The following CEP68 variants were observed in gnomAD, a reference collection of about 807,000 sequenced individuals.
The protein encoded by CEP68 is centrosomal protein of 68 kDa.
In CEP68, 26 loss-of-function variants were observed where a neutral mutation model predicts 55.3. That is an observed-to-expected ratio of 0.47 (90% CI 0.34 to 0.65). The LOEUF is 0.65. Ranked by LOEUF, CEP68 falls within the 30% of genes least tolerant of loss-of-function variation. CEP68 has a pLI of 0.01. For missense variants in CEP68, 957 were observed against 946.7 expected, an observed-to-expected ratio of 1.01 and a Z score of -0.14; for synonymous variants, 402 against 383.2, an observed-to-expected ratio of 1.05 and a Z score of -0.57.
At chr2:65,081,698 TG>T (rs756910004) in intron 5 of CEP68, among the ~76,000 whole-genome samples, 2 of 129,968 alleles carry the variant, frequency 1.5e-5, no homozygotes, top group Non-Finnish European at 3.3e-5. Context: ...GTCATTTTTT[TG>T]TTTTGTTTTG....
At chr2:65,060,388 C>T (rs1467647960) in intron 1 of CEP68, among the ~76,000 whole-genome samples, 8 of 152,046 alleles carry the variant, frequency 5.3e-5, no homozygotes, top group Admixed American at 1.3e-4. Context: ...CTCTTGAGAG[C>T]GGTAAGATTC....
In CEP68 at chr2:65,071,654, C is replaced by A; in HGVS notation, c.558C>A (p.Ser186Arg). Residue 186 changes from serine (S) to arginine (R), a missense_variant, in exon 3 of 7, where the codon AGC (serine) becomes AGA (arginine). Coordinates refer to ENST00000377990, the MANE Select transcript of CEP68 (RefSeq NM_015147.3). ...TGTCACAGTGGAAGTCCGTGCTGAG[C>A]CCAGGTTCCGCAGCTCAGCCTTCCA... Reference protein sequence around the residue: ...SCLSQWKSVLSPGSAAQPSSC... With the variant: ...SCLSQWKSVLRPGSAAQPSSC... 6.2e-7 allele frequency: 1 copy of A among 1,614,190 alleles called. No individual in the cohort carries two copies. Among genetic ancestry groups the A allele is most frequent in the Non-Finnish European group, 8.5e-7 (1 of 1,180,038 alleles).
chr2:65,077,121 G>A (rs560506043), intron 4 of CEP68, among the ~76,000 whole-genome samples: 10 of 147,972 alleles, frequency 6.8e-5, no homozygotes, highest in African/African-American at 2.0e-4. Flanking sequence ...TCACCCTCCC[G>A]AGTAGCTGGG....
In CEP68 at chr2:65,069,510, G is replaced by A. The variant is rs534489410; in HGVS notation, c.66G>A (p.Gly22=). 3 of 1,575,656 alleles carry A rather than the reference G, an allele frequency of 1.9e-6. No homozygotes were observed. Among genetic ancestry groups the A allele is most frequent in the Non-Finnish European group, 2.6e-6 (3 of 1,159,378 alleles). The change falls in exon 2 of 7, where the codon GGG becomes GGA. Residue 22 remains glycine, a synonymous_variant. Transcript: ENST00000377990. The part of the protein sequence containing the change: ...ASEDTKAQSY[G]RGSCRERELD... ...AAGACACAAAGGCCCAGTCCTATGG[G>A]AGAGGGAGCTGCAGGGAGCGGGAGC...
At chr2:65,069,256 G>A (rs760969508) in intron 1 of CEP68, 143 bp from the exon 2 acceptor site, 92 of 493,232 alleles carry the variant, frequency 1.9e-4, no homozygotes, top group Non-Finnish European at 3.1e-4. Context: ...GCCGGAACTC[G>A]GTGCTCCTCT....
rs771683349 is a variant in CEP68 at position 65,069,715 on chromosome 2, G to A, written c.271G>A (p.Val91Ile). 4.2e-5 allele frequency: 68 copies of A among 1,614,008 alleles called. No individual in the cohort carries two copies. Among genetic ancestry groups the A allele is most frequent in the Non-Finnish European group, 5.5e-5 (65 of 1,180,038 alleles). The change falls in exon 2 of 7, where the codon GTA becomes ATA. Residue 91 changes from valine (V) to isoleucine (I), a missense_variant. Transcript: ENST00000377990. ...PQASDANREP[V>I]AERSEPALSG... Reference sequence around the variant, plus strand: ...GGCCAGTGATGCCAACAGAGAGCCCGTAGCTGAGAGGTCTGAGCCTGCACT... The same window carrying A: ...GGCCAGTGATGCCAACAGAGAGCCCATAGCTGAGAGGTCTGAGCCTGCACT...
intron 1 of CEP68, among the ~76,000 whole-genome samples, chr2:65,060,566 A>T (rs1474139905): frequency 1.3e-5 from 2 of 151,404 alleles, no homozygotes; most frequent in Non-Finnish European, 2.9e-5. Context: ...CTCGTCTCTT[A>T]AAAAAAAATA....
chr2:65,076,459 T>C (rs899460293), intron 4 of CEP68, among the ~76,000 whole-genome samples: 9 of 152,316 alleles, frequency 5.9e-5, no homozygotes, highest in Admixed American at 1.3e-4. Flanking sequence ...GTGTCACCCA[T>C]ACAGCTGTCA....
chr2:65,058,499 T>TTA lies in CEP68; in HGVS notation c.-47+1972_-47+1973insAT, dbSNP rs1308884072. On this transcript the variant is annotated intron_variant, in intron 1 of 6. Transcript: ENST00000377990. ...TTATCCGATGGCTGATTTTTTTCCT[T>TTA]TTTTTTTTTTTTTTTTTTTTTTTTG... Among the ~76,000 whole-genome samples the TTA allele has an allele frequency of 5.0e-3, 355 of 70,380 alleles. 2 individuals carry two copies. Among genetic ancestry groups the TTA allele is most frequent in the African/African-American group, 0.023 (336 of 14,684 alleles). The allele number at this position is 70,380 out of a possible 152,430, so 46.2% of individuals were successfully genotyped here.
Position 65,078,960 on chromosome 2 carries a change from G to A in CEP68, c.2104+996G>A, listed in dbSNP as rs140151509. 5.0e-4 allele frequency among the ~76,000 whole-genome samples: 76 copies of A among 152,338 alleles called. 1 individual carries two copies. In the East Asian group the frequency reaches 0.015, roughly 29 times the overall value. The stretch of plus-strand genomic sequence containing the variant: ...ATTTACAGTTTTCATTGTCTTTACA[G>A]GACGAGGGCATGGGGGATGAGGATA... On this transcript the variant is annotated intron_variant, in intron 5 of 6. Transcript: ENST00000377990.
chr2:65,081,481 G>A (rs1230805142), intron 5 of CEP68, among the ~76,000 whole-genome samples: 2 of 152,184 alleles, frequency 1.3e-5, no homozygotes, highest in African/African-American at 2.4e-5. Context: ...TGTTACAGCT[G>A]TGGCAGGAAA....
chr2:65,074,012 G>A (rs1327004298), intron 3 of CEP68: 1 of 356,542 alleles, frequency 2.8e-6, no homozygotes, highest in African/African-American at 2.1e-5. Flanking sequence ...GGTTTCCATG[G>A]CAGGCACGCC....
intron 1 of CEP68, among the ~76,000 whole-genome samples, chr2:65,057,358 G>A (rs774882300): frequency 2.0e-5 from 3 of 152,150 alleles, no homozygotes; most frequent in African/African-American, 2.4e-5. Context: ...AGTTTGCCTT[G>A]GGTTTAGTTG....
Position 65,072,362 on chromosome 2 carries a change from G to C in CEP68, c.1266G>C (p.Lys422Asn). 6.2e-7 allele frequency: 1 copy of C among 1,613,918 alleles called. No homozygotes were observed. The highest frequency in any genetic ancestry group is 2.2e-5 in the East Asian group (1 of 44,870). ...ERREPALRGA[K>N]DRLTIGKHLD... ...GAGAGCCAGCCCTGAGGGGTGCGAA[G>C]GACCGGCTGACTATAGGCAAGCACC... Residue 422 changes from lysine (K) to asparagine (N), a missense_variant, in exon 3 of 7, where the codon AAG becomes AAC. Lys to Asn is a moderately conservative substitution (Grantham distance 94). Transcript: ENST00000377990.
intron 1 of CEP68, among the ~76,000 whole-genome samples, chr2:65,057,748 A>T (rs1380517577): frequency 6.6e-6 from 1 of 152,206 alleles, no homozygotes; most frequent in African/African-American, 2.4e-5. Flanking sequence ...TTATTCTTAC[A>T]GGTTAGGAAG....
At position 65,071,614 on chromosome 2, in the gene CEP68, C is replaced by T. The variant is rs140550134; in HGVS notation, c.518C>T (p.Ser173Leu). The T allele has an allele frequency of 1.5e-4, 246 of 1,614,068 alleles. No homozygotes were observed. Among genetic ancestry groups the T allele is most frequent in the Non-Finnish European group, 1.9e-4 (224 of 1,180,044 alleles). The change falls in exon 3 of 7, where the codon TCA (serine) becomes TTA (leucine). Residue 173 changes from serine (S) to leucine (L), a missense_variant. By Grantham distance (145) the Ser-to-Leu change is moderately radical. Transcript: ENST00000377990. The stretch of plus-strand genomic sequence containing the variant: ...GACCTCAGCCAGCAGCCTCACAGCT[C>T]AGGTCTCTCTTGCCTGTCACAGTGG... ...ALDLSQQPHSSGLSCLSQWKS... is the reference protein window; with the variant it reads ...ALDLSQQPHSLGLSCLSQWKS...
chr2:65,064,238 T>C (rs1309837177), intron 1 of CEP68, among the ~76,000 whole-genome samples: 1 of 152,190 alleles, frequency 6.6e-6, no homozygotes, highest in Non-Finnish European at 1.5e-5. Context: ...CCACTCCCTA[T>C]CTCTCCAGGC....
intron 1 of CEP68, among the ~76,000 whole-genome samples, chr2:65,058,497 C>CTTTT (rs34477880): frequency 0.02 from 1,511 of 75,670 alleles, 144 homozygotes; most frequent in Non-Finnish European, 0.028. Flanking sequence ...GATTTTTTTC[C>CTTTT]TTTTTTTTTT....
intron 4 of CEP68, chr2:65,075,245 C>T (rs1676706064): frequency 6.8e-6 from 1 of 146,648 alleles, no homozygotes; most frequent in Admixed American, 6.8e-5. Flanking sequence ...AGTGAGACCT[C>T]GTCTCTACAG....
Sources: allele counts gnomAD v4.1 joint callset (sites outside exome capture counted in the v4.1 genomes callset), GRCh38; gene constraint gnomAD v4.1.1; transcripts MANE v1.5; gene names NCBI Gene and HGNC (gene_info 2026-07-23, HGNC 2026-07-21).